ASCC3: variants seen among roughly 807,000 people sequenced by gnomAD.
The protein encoded by ASCC3 is ASC-1 complex subunit P200.
Under a neutral mutation model 256.3 loss-of-function variants are expected in ASCC3, and 158 were observed. The observed-to-expected ratio is 0.62, with a 90% CI of 0.54 to 0.70. The LOEUF is 0.70. Among genes scored for constraint, ASCC3 ranks in the 30% least tolerant of loss-of-function variants. The pLI, the probability that ASCC3 is intolerant of heterozygous loss-of-function variation, is 0.00. For missense variants in ASCC3, 2,259 were observed against 2,626.0 expected (o/e 0.86, Z 3.05); for synonymous variants, 948 against 883.4 (o/e 1.07, Z -1.30).
rs372259004 is a variant in ASCC3 at position 100,538,090 on chromosome 6, G to A, written c.5775+2073C>T. Among the ~76,000 whole-genome samples, 4 of 151,998 alleles carry A rather than the reference G, an allele frequency of 2.6e-5. No individual in the cohort carries two copies. In the East Asian group the frequency reaches 5.8e-4, roughly 22 times the overall value. ...ATCAATGAACTGATCACGCAATATAGGTTTTAGAAGTAATATACATATAAA... is the reference window on the plus strand; with the variant it reads ...ATCAATGAACTGATCACGCAATATAAGTTTTAGAAGTAATATACATATAAA... On this transcript the variant is annotated intron_variant, in intron 37 of 41. Coordinates refer to ENST00000369162, the MANE Select transcript of ASCC3 (RefSeq NM_006828.4).
At chr6:100,655,906 T>TA in intron 16 of ASCC3, 88 bp from the exon 17 acceptor site, 1 of 1,428,950 alleles carries the variant, frequency 7.0e-7, no homozygotes, top group Middle Eastern at 1.8e-4. Context: ...GGTGAAGTTT[T>TA]AAAAATACAT....
At chr6:100,652,660 A>C in intron 18 of ASCC3, 65 bp downstream of exon 18, 2 of 1,470,492 alleles carry the variant, frequency 1.4e-6, no homozygotes, top group Non-Finnish European at 1.9e-6. Flanking sequence ...TTACATTAAT[A>C]ATATATTTTG....
At position 100,601,722 on chromosome 6, in the gene ASCC3, G is replaced by T; in HGVS notation, c.5303+88C>A. 4 of 1,501,992 alleles carry T rather than the reference G, an allele frequency of 2.7e-6. No individual in the cohort carries two copies. The Admixed American group carries it at 5.3e-5, about 20-fold the overall frequency. 93.0% of individuals were successfully genotyped at this position (1,501,992 alleles called of 1,614,324 possible). On this transcript the variant is annotated intron_variant, in intron 34 of 41. Transcript: ENST00000369162. ...GAATCTCCAAAGTTCTGCCTTTTTT[G>T]TATGTACCTTAATTTGGAGTTTATT...
chr6:100,714,765 C>A (rs1264368951), intron 13 of ASCC3, among the ~76,000 whole-genome samples: 2 of 151,932 alleles, frequency 1.3e-5, no homozygotes, highest in Non-Finnish European at 2.9e-5. Context: ...TTCCTAAAAA[C>A]AGAAAAAATG....
At chr6:100,619,273 T>C (rs1269764512) in intron 30 of ASCC3, among the ~76,000 whole-genome samples, 1 of 152,136 alleles carries the variant, frequency 6.6e-6, no homozygotes, top group Non-Finnish European at 1.5e-5. Flanking sequence ...GGATTAACAG[T>C]TTACTTGGAA....
At chr6:100,593,545 TA>T (rs1207169317) in intron 34 of ASCC3, among the ~76,000 whole-genome samples, 57 of 152,256 alleles carry the variant, frequency 3.7e-4, no homozygotes, top group African/African-American at 1.3e-3. Flanking sequence ...AAAACATAGA[TA>T]AAGTTACACC....
At chr6:100,652,140 T>G (rs980465074) in intron 18 of ASCC3, among the ~76,000 whole-genome samples, 1 of 151,924 alleles carries the variant, frequency 6.6e-6, no homozygotes, top group African/African-American at 2.4e-5. Context: ...CCACATAGAT[T>G]GAAGACAAAT....
intron 8 of ASCC3, among the ~76,000 whole-genome samples, chr6:100,774,622 C>T (rs1398889466): frequency 6.6e-6 from 1 of 152,140 alleles, no homozygotes; most frequent in Non-Finnish European, 1.5e-5. Flanking sequence ...AGCTTGGCCT[C>T]CCAGAGTGCT....
intron 10 of ASCC3, among the ~76,000 whole-genome samples, chr6:100,758,485 AGT>A (rs1266129681): frequency 1.3e-5 from 2 of 151,976 alleles, no homozygotes; most frequent in African/African-American, 4.8e-5. Flanking sequence ...GACAACATGC[AGT>A]GTTTGGTTTT....
At chr6:100,627,000 C>CT (rs1001179496) in intron 29 of ASCC3, among the ~76,000 whole-genome samples, 1 of 152,094 alleles carries the variant, frequency 6.6e-6, no homozygotes, top group African/African-American at 2.4e-5. Context: ...ATTACAGCAG[C>CT]TAAAAAGTCA....
At chr6:100,609,832 C>T (rs750645374) in intron 30 of ASCC3, among the ~76,000 whole-genome samples, 2 of 152,054 alleles carry the variant, frequency 1.3e-5, no homozygotes, top group Non-Finnish European at 2.9e-5. Context: ...ATCGCCTGAA[C>T]CCGGGATGCA....
chr6:100,860,665 G>C (rs571855596), intron 3 of ASCC3, among the ~76,000 whole-genome samples: 1 of 152,152 alleles, frequency 6.6e-6, no homozygotes, highest in African/African-American at 2.4e-5. Flanking sequence ...CAGTCTATCA[G>C]AGACTTCACT....
At chr6:100,848,791 C>T in intron 3 of ASCC3, 84 bp from the exon 4 acceptor site, 1 of 1,314,820 alleles carries the variant, frequency 7.6e-7, no homozygotes, top group Admixed American at 1.8e-5. Flanking sequence ...CACAAATATT[C>T]TCCTGAGTAA....
intron 25 of ASCC3, among the ~76,000 whole-genome samples, chr6:100,637,704 C>G (rs1351134051): frequency 6.6e-6 from 1 of 152,086 alleles, no homozygotes; most frequent in East Asian, 1.9e-4. Context: ...GAAGTTGATT[C>G]CACCCTTCAC....
At chr6:100,589,197 T>G (rs1771860511) in intron 36 of ASCC3, among the ~76,000 whole-genome samples, 1 of 152,136 alleles carries the variant, frequency 6.6e-6, no homozygotes, top group South Asian at 2.1e-4. Flanking sequence ...TAAACAGCTG[T>G]CCTGACATTA....
At chr6:100,591,695 A>T (rs568034100) in intron 34 of ASCC3, among the ~76,000 whole-genome samples, 1 of 152,158 alleles carries the variant, frequency 6.6e-6, no homozygotes, top group East Asian at 1.9e-4. Flanking sequence ...TACAGAAAGA[A>T]GATATTTTGA....
At chr6:100,601,095 C>T (rs1276407543) in intron 34 of ASCC3, among the ~76,000 whole-genome samples, 1 of 152,082 alleles carries the variant, frequency 6.6e-6, no homozygotes, top group Non-Finnish European at 1.5e-5. Flanking sequence ...TAATTTAATT[C>T]TGCCTGAAGT....
In ASCC3 at chr6:100,725,427, T is replaced by C. The variant is rs1019922239; in HGVS notation, c.1902+112A>G. 66 of 1,165,138 alleles carry C rather than the reference T, an allele frequency of 5.7e-5. 2 individuals are homozygous for C. The South Asian group carries it at 5.9e-4, about 10-fold the overall frequency. The allele number at this position is 1,165,138 out of a possible 1,614,324, so 72.2% of individuals were successfully genotyped here. A position where few individuals can be genotyped will look rare whatever the true frequency, so the allele number is the denominator to read the frequency against. On this transcript the variant is annotated intron_variant, in intron 11 of 41. Coordinates refer to ENST00000369162, the MANE Select transcript of ASCC3 (RefSeq NM_006828.4). ...CCCCCTTTTAAAAATATGAAGATTATGTCAATATTAGATTTAGCTTTGTAA... is the reference window on the plus strand; with the variant it reads ...CCCCCTTTTAAAAATATGAAGATTACGTCAATATTAGATTTAGCTTTGTAA...
intron 10 of ASCC3, among the ~76,000 whole-genome samples, chr6:100,726,046 T>C (rs922001791): frequency 6.7e-6 from 1 of 149,142 alleles, no homozygotes; most frequent in African/African-American, 2.4e-5. Flanking sequence ...ATACTGATAA[T>C]GGTCTTTATT....
Sources: allele counts gnomAD v4.1 joint callset (sites outside exome capture counted in the v4.1 genomes callset), GRCh38; gene constraint gnomAD v4.1.1; transcripts MANE v1.5; gene names NCBI Gene and HGNC (gene_info 2026-07-23, HGNC 2026-07-21).